The following CDC42BPB variants were observed in gnomAD, a reference collection of about 807,000 sequenced individuals.
CDC42BPB encodes CDC42 binding protein kinase beta.
Under a neutral mutation model 214.9 loss-of-function variants are expected in CDC42BPB, and 37 were observed. The observed-to-expected ratio is 0.17, with a 90% CI of 0.13 to 0.23. CDC42BPB has a LOEUF of 0.23. Among genes scored for constraint, CDC42BPB ranks in the 10% least tolerant of loss-of-function variants. CDC42BPB has a pLI of 1.00. For missense variants in CDC42BPB, 1,694 were observed against 2,227.0 expected, an observed-to-expected ratio of 0.76 and a Z score of 4.82; for synonymous variants, 931 against 884.0, an observed-to-expected ratio of 1.05 and a Z score of -0.94.
chr14:102,987,965 C>T (rs891836747), intron 5 of CDC42BPB, among the ~76,000 whole-genome samples: 2 of 151,794 alleles, frequency 1.3e-5, no homozygotes, highest in Non-Finnish European at 2.9e-5. Context: ...CAGAGCAAGA[C>T]CCTGTCTCAA....
At chr14:102,959,175 T>C (rs1018190890) in intron 21 of CDC42BPB, among the ~76,000 whole-genome samples, 11 of 151,810 alleles carry the variant, frequency 7.2e-5, no homozygotes, top group South Asian at 4.2e-4. Context: ...TGGGTGCCTG[T>C]AGTCCCAGCT....
chr14:103,034,893 A>G (rs981587711), intron 1 of CDC42BPB, among the ~76,000 whole-genome samples: 1 of 152,022 alleles, frequency 6.6e-6, no homozygotes, highest in African/African-American at 2.4e-5. Flanking sequence ...AATAGCCTGG[A>G]TTTTTAAAGT....
chr14:102,966,435 G>T, intron 17 of CDC42BPB, 48 bp from the exon 18 acceptor site: 1 of 1,603,986 alleles, frequency 6.2e-7, no homozygotes, highest in South Asian at 1.1e-5. Context: ...GGCTATCAGG[G>T]AGAAGCCAAA....
In CDC42BPB at chr14:103,004,059, T is replaced by C. The variant is rs760396987; in HGVS notation, c.352-36A>G. On this transcript the variant is annotated intron_variant, in intron 3 of 36. Transcript: ENST00000361246. This position sits in a 1 kb window ranked among gnomAD's most constrained non-coding sequence, Gnocchi z 5.3. ...ACGAGGGGTGTCAGTCTGTGTTCAC[T>C]GGGAAGCAGGCCAGAGAGCGTACTG... 6.4e-7 allele frequency: 1 copy of C among 1,559,012 alleles called. No individual in the cohort carries two copies. The highest frequency in any genetic ancestry group is 8.7e-7 in the Non-Finnish European group (1 of 1,154,884).
At chr14:102,934,135 G>A (rs1891523086) in intron 36 of CDC42BPB, 4 of 699,684 alleles carry the variant, frequency 5.7e-6, no homozygotes, top group Non-Finnish European at 7.6e-6. Flanking sequence ...AGTGGCTCCT[G>A]CCTGTAATCC....
chr14:102,966,899 A>G (rs1012130340), intron 17 of CDC42BPB, 147 bp downstream of exon 17: 2 of 882,280 alleles, frequency 2.3e-6, no homozygotes, highest in Non-Finnish European at 3.4e-6. Context: ...AGACATGAGA[A>G]GTTCTGGGGA....
At chr14:102,980,658 A>C in intron 8 of CDC42BPB, 115 bp downstream of exon 8, 1 of 986,866 alleles carries the variant, frequency 1.0e-6, no homozygotes, top group South Asian at 1.5e-5. Flanking sequence ...ACACTGTCTT[A>C]AGTGCCAAAT....
At chr14:103,010,798 G>A (rs950897937) in intron 2 of CDC42BPB, among the ~76,000 whole-genome samples, 1 of 152,216 alleles carries the variant, frequency 6.6e-6, no homozygotes, top group African/African-American at 2.4e-5. Context: ...TTGGGAGGCT[G>A]AGATGGGCGG....
chr14:102,996,882 T>A (rs1263394736), intron 5 of CDC42BPB, among the ~76,000 whole-genome samples: 1 of 152,072 alleles, frequency 6.6e-6, no homozygotes, highest in Non-Finnish European at 1.5e-5. Context: ...ATGTATTTTT[T>A]AAAAAGAAAG....
intron 1 of CDC42BPB, among the ~76,000 whole-genome samples, chr14:103,037,750 G>A (rs117671917): frequency 0.013 from 2,019 of 152,250 alleles, 21 homozygotes; most frequent in Non-Finnish European, 0.019. Flanking sequence ...AGAATTTTAG[G>A]CCGGGCGTGG....
Position 102,971,932 on chromosome 14 carries a change from T to C in CDC42BPB, c.1871A>G (p.Lys624Arg). The change falls in exon 13 of 37, where the codon AAG becomes AGG. Residue 624 changes from lysine (K) to arginine (R), a missense_variant. Lys to Arg is a conservative substitution (Grantham distance 26, BLOSUM62 2). Around this residue, in one of 7 missense-constraint regions of CDC42BPB, gnomAD observed 462 missense variants for 513.5 expected, o/e 0.90. Transcript: ENST00000361246. ...CTCCACAGCTACCTCTTTCCTGAGC[T>C]TCTCAGCTCTCCGCATTTCCTGCCG... ...AMRQEMRRAE[K>R]LRKELEAQLD... is the part of the protein sequence containing the mutation. The C allele has an allele frequency of 1.2e-6, 2 of 1,614,194 alleles. No individual in the cohort carries two copies. Among genetic ancestry groups the C allele is most frequent in the Middle Eastern group, 1.6e-4 (1 of 6,062 alleles).
Position 102,938,118 on chromosome 14 carries a change from CCTGGT to C in CDC42BPB, c.4985_4989del (p.Asp1662GlyfsTer3). 1 of 1,614,000 alleles carries C rather than the reference CCTGGT, an allele frequency of 6.2e-7. No individual in the cohort carries two copies. Among genetic ancestry groups the C allele is most frequent in the Non-Finnish European group, 8.5e-7 (1 of 1,180,020 alleles). On this transcript the variant is annotated frameshift_variant, in exon 36 of 37. Coordinates refer to ENST00000361246, the MANE Select transcript of CDC42BPB (RefSeq NM_006035.4). LOFTEE classifies it high-confidence loss of function. ...GCAAGTCTCACCTCTTTGTCAAAGT[CCTGGT>C]CTGGATCAGACATACTTCTCAGAGG...
intron 1 of CDC42BPB, among the ~76,000 whole-genome samples, chr14:103,035,218 C>T (rs1466588505): frequency 4.6e-5 from 7 of 151,988 alleles, no homozygotes; most frequent in Admixed American, 3.9e-4. Flanking sequence ...CCACCATGCC[C>T]GGCTAATTTT....
chr14:103,044,818 T>C (rs1595188525), intron 1 of CDC42BPB, among the ~76,000 whole-genome samples: 1 of 149,962 alleles, frequency 6.7e-6, no homozygotes, highest in African/African-American at 2.4e-5. Context: ...GCCTCCAAAA[T>C]TAACCTTTAA....
chr14:103,029,700 C>CA lies in CDC42BPB; in HGVS notation c.176-17513dup, dbSNP rs201042312. On this transcript the variant is annotated intron_variant, in intron 1 of 36. Coordinates refer to ENST00000361246, the MANE Select transcript of CDC42BPB (RefSeq NM_006035.4). ...TGAAACCCCGTCTCTACTAAAAATA[C>CA]AAAAAAAAATTAGCTGTGTGTGGTG... Among the ~76,000 whole-genome samples the CA allele has an allele frequency of 7.5e-4, 111 of 148,798 alleles. 1 individual carries two copies. The East Asian group carries it at 9.7e-3, about 13-fold the overall frequency.
chr14:103,014,282 C>T (rs1031016941), intron 1 of CDC42BPB, among the ~76,000 whole-genome samples: 6 of 152,248 alleles, frequency 3.9e-5, no homozygotes, highest in South Asian at 2.1e-4. Flanking sequence ...CAGACCAGCT[C>T]GTGCCCGCCA....
chr14:103,025,168 T>C (rs1212984281), intron 1 of CDC42BPB, among the ~76,000 whole-genome samples: 3 of 152,186 alleles, frequency 2.0e-5, no homozygotes, highest in Non-Finnish European at 2.9e-5. Flanking sequence ...CATTTTAGTT[T>C]AAGGTGAACT....
chr14:102,974,232 A>G, intron 11 of CDC42BPB, 83 bp from the exon 12 acceptor site: 1 of 1,549,062 alleles, frequency 6.5e-7, no homozygotes, highest in Non-Finnish European at 8.6e-7. Context: ...TACTGACAGG[A>G]AATTATTTAA....
Position 102,959,647 on chromosome 14 carries a change from T to C in CDC42BPB, c.2885A>G (p.His962Arg), listed in dbSNP as rs773581621. The C allele has an allele frequency of 1.9e-6, 3 of 1,606,060 alleles. No individual in the cohort carries two copies. Among genetic ancestry groups the C allele is most frequent in the Non-Finnish European group, 2.6e-6 (3 of 1,175,482 alleles). The change falls in exon 21 of 37, where the codon CAT becomes CGT. Residue 962 changes from histidine to arginine, a missense_variant. Around this residue, in one of 7 missense-constraint regions of CDC42BPB, gnomAD observed 156 missense variants for 154.5 expected, o/e 1.01. Transcript: ENST00000361246. ...FEYFNTAPLAHDLTFRTSSAS... is the reference protein window; with the variant it reads ...FEYFNTAPLARDLTFRTSSAS... The stretch of plus-strand genomic sequence containing the variant: ...ATGACTTACTCTAAATGTCAGGTCA[T>C]GTGCAAGAGGAGCAGTGTTGAAATA...
Sources: allele counts gnomAD v4.1 joint callset (sites outside exome capture counted in the v4.1 genomes callset), GRCh38; gene constraint gnomAD v4.1.1; regional missense constraint gnomAD v4.1.1; non-coding constraint Gnocchi (gnomAD v3.1); transcripts MANE v1.5; gene names NCBI Gene and HGNC (gene_info 2026-07-23, HGNC 2026-07-21).